Variants in TBCD observed in about 807,000 individuals in gnomAD.
TBCD encodes the protein tubulin-specific chaperone D.
In TBCD, 105 loss-of-function variants were observed where a neutral mutation model predicts 169.3. That is an observed-to-expected ratio of 0.62 (90% CI 0.53 to 0.73). TBCD has a LOEUF of 0.73. Ranked by LOEUF, TBCD falls within the 30% of genes least tolerant of loss-of-function variation. The pLI is 0.00. For missense variants in TBCD, 1,444 were observed against 1,600.1 expected (o/e 0.90, Z 1.66); for synonymous variants, 700 against 643.9 (o/e 1.09, Z -1.32).
At chr17:82,830,274 A>G in intron 13 of TBCD, 1 of 1,614,202 alleles carries the variant, frequency 6.2e-7, no homozygotes, top group Non-Finnish European at 8.5e-7. Context: ...GTCTGAGGTC[A>G]CACTGGGCCT....
At chr17:82,927,790 T>C (rs2061878125) in intron 29 of TBCD, 115 bp from the exon 30 acceptor site, 1 of 850,620 alleles carries the variant, frequency 1.2e-6, no homozygotes, top group East Asian at 2.6e-5. Flanking sequence ...GCCTGGGCTC[T>C]GTGTGGGGTT....
At chr17:82,759,397 C>G (rs2047628143) in intron 2 of TBCD, among the ~76,000 whole-genome samples, 1 of 152,096 alleles carries the variant, frequency 6.6e-6, no homozygotes, top group South Asian at 2.1e-4. Flanking sequence ...AGGAGAATTG[C>G]TTGAACTGGG....
At position 82,928,486 on chromosome 17, in the gene TBCD, G is replaced by A. The variant is rs191286462; in HGVS notation, c.2693+498G>A. Among the ~76,000 whole-genome samples, 16 of 152,066 alleles carry A rather than the reference G, an allele frequency of 1.1e-4. No homozygotes were observed. The East Asian group carries it at 3.1e-3, about 30-fold the overall frequency. On this transcript the variant is annotated intron_variant, in intron 30 of 38. Coordinates refer to ENST00000355528, the MANE Select transcript of TBCD (RefSeq NM_005993.5). ...CCCTGCCCTTTCTGTCGGTCTCTCTGTCGGGGGCACTGAGTCATGGAGGTC... is the reference window on the plus strand; with the variant it reads ...CCCTGCCCTTTCTGTCGGTCTCTCTATCGGGGGCACTGAGTCATGGAGGTC...
At chr17:82,763,611 C>G (rs866655330) in intron 2 of TBCD, among the ~76,000 whole-genome samples, 1 of 152,030 alleles carries the variant, frequency 6.6e-6, no homozygotes, top group Non-Finnish European at 1.5e-5. Flanking sequence ...CGTGGTGACG[C>G]GTGCCTGTAA....
chr17:82,939,584 A>G, intron 37 of TBCD, 108 bp downstream of exon 37: 3 of 898,066 alleles, frequency 3.3e-6, no homozygotes, highest in Non-Finnish European at 1.7e-6. Context: ...GGAGGAGGAA[A>G]GAGGGTTCCC....
intron 13 of TBCD, among the ~76,000 whole-genome samples, chr17:82,827,028 C>A (rs1347671069): frequency 6.6e-6 from 1 of 152,228 alleles, no homozygotes; most frequent in East Asian, 1.9e-4. Flanking sequence ...GCTTTGGCCT[C>A]TCAATGTGCT....
intron 23 of TBCD, chr17:82,914,087 C>G (rs1568028226): frequency 6.6e-6 from 1 of 152,436 alleles, no homozygotes; most frequent in Non-Finnish European, 1.5e-5. Context: ...CCTCACCCAC[C>G]ACACCCACTG....
intron 14 of TBCD, among the ~76,000 whole-genome samples, chr17:82,879,718 C>T (rs1021283675): frequency 4.6e-5 from 7 of 152,228 alleles, no homozygotes; most frequent in Non-Finnish European, 8.8e-5. Flanking sequence ...CCGTCTCCCC[C>T]AAAAACTCCC....
chr17:82,839,480 CATAT>C (rs930011052), intron 13 of TBCD, among the ~76,000 whole-genome samples: 1 of 151,816 alleles, frequency 6.6e-6, no homozygotes, highest in Non-Finnish European at 1.5e-5. Flanking sequence ...ATACACCACA[CATAT>C]ATATAACCCT....
At chr17:82,893,191 A>G (rs2059264613) in intron 16 of TBCD, 1 of 270,252 alleles carries the variant, frequency 3.7e-6, no homozygotes, top group Non-Finnish European at 7.1e-6. Flanking sequence ...GCTCAGGCCG[A>G]TGGAGGTCAG....
Position 82,923,559 on chromosome 17 carries a change from G to A in TBCD, c.2179-93G>A. 1.9e-6 allele frequency: 2 copies of A among 1,037,378 alleles called. No individual in the cohort carries two copies. The highest frequency in any genetic ancestry group is 2.2e-5 in the Admixed American group (1 of 44,790). The allele number at this position is 1,037,378 out of a possible 1,614,324, so 64.3% of individuals were successfully genotyped here. A position where few individuals can be genotyped will look rare whatever the true frequency, so the allele number is the denominator to read the frequency against. ...GTGACCACGGTGTCCCTGGTCAGGT[G>A]CTTCTCCGACTTCAGAGTGACCTGC... On this transcript the variant is annotated intron_variant, in intron 25 of 38. Transcript: ENST00000355528. The surrounding 1 kb of genome is among the most constrained non-coding windows in gnomAD (Gnocchi z 4.6).
At chr17:82,776,505 C>T (rs1019269612) in intron 6 of TBCD, among the ~76,000 whole-genome samples, 4 of 152,112 alleles carry the variant, frequency 2.6e-5, no homozygotes, top group African/African-American at 7.2e-5. Flanking sequence ...TTCTTTGCAC[C>T]GTTATGACTT....
intron 7 of TBCD, among the ~76,000 whole-genome samples, chr17:82,784,417 C>G (rs753414193): frequency 6.6e-6 from 1 of 152,010 alleles, no homozygotes; most frequent in Non-Finnish European, 1.5e-5. Context: ...TCATTGCTAT[C>G]GTGGAGGTCA....
chr17:82,874,445 C>G lies in TBCD; in HGVS notation c.1475+4065C>G, dbSNP rs570075499. On this transcript the variant is annotated intron_variant, in intron 14 of 38. Transcript: ENST00000355528. The surrounding 1 kb of genome is among the most constrained non-coding windows in gnomAD (Gnocchi z 5.0). ...CCACCATGGCTCCCGGGTTCCCTTG[C>G]GCACACCGAGCCAGCAGCTGCTGGG... Among the ~76,000 whole-genome samples the G allele has an allele frequency of 6.6e-6, 1 of 152,114 alleles. No homozygotes were observed. Among genetic ancestry groups the G allele is most frequent in the African/African-American group, 2.4e-5 (1 of 41,420 alleles).
intron 6 of TBCD, among the ~76,000 whole-genome samples, chr17:82,775,846 C>T (rs1197611512): frequency 1.3e-5 from 2 of 151,854 alleles, no homozygotes; most frequent in Non-Finnish European, 2.9e-5. Flanking sequence ...ACGTATGTAA[C>T]TAACTTGCAC....
chr17:82,940,336 G>C (rs760999045), intron 37 of TBCD, among the ~76,000 whole-genome samples: 1 of 152,222 alleles, frequency 6.6e-6, no homozygotes, highest in Non-Finnish European at 1.5e-5. Flanking sequence ...GGCATACCCG[G>C]GGTGGTGGAG....
At chr17:82,807,540 C>T in intron 10 of TBCD, 68 bp from the exon 11 acceptor site, 1 of 1,295,750 alleles carries the variant, frequency 7.7e-7, no homozygotes, top group Non-Finnish European at 1.0e-6. Flanking sequence ...CAGGATGGGT[C>T]ACCTTACAGC....
chr17:82,778,613 G>A (rs1397650676), intron 6 of TBCD, among the ~76,000 whole-genome samples: 2 of 150,200 alleles, frequency 1.3e-5, no homozygotes, highest in Non-Finnish European at 2.9e-5. Flanking sequence ...CGCATGCCAC[G>A]ACACCCAGCC....
chr17:82,860,277 G>A, intron 13 of TBCD: 1 of 765,152 alleles, frequency 1.3e-6, no homozygotes, highest in Non-Finnish European at 1.6e-6. Context: ...TGGCTTCAGG[G>A]AGGGCCCCCG....
Sources: gnomAD v4.1 joint callset for allele counts (sites outside exome capture counted in the v4.1 genomes callset) on GRCh38, gnomAD v4.1.1 for gene constraint, Gnocchi (gnomAD v3.1) non-coding constraint, MANE v1.5 for transcripts, NCBI Gene and HGNC (gene_info 2026-07-23, HGNC 2026-07-21) for gene names.